MYO1D: variants seen among roughly 807,000 people sequenced by gnomAD.
MYO1D encodes the protein myosin ID.
A neutral mutation model predicts 122.0 loss-of-function variants in MYO1D; 83 were observed. The observed-to-expected ratio is 0.68, with a 90% confidence interval of 0.57 to 0.82. The LOEUF (loss-of-function observed/expected upper bound fraction) is 0.82, where lower values mean the gene tolerates loss of function less well. Ranked by LOEUF, MYO1D falls within the 40% of genes least tolerant of loss-of-function variation. The pLI, the probability that MYO1D is intolerant of heterozygous loss-of-function variation, is 0.00. For missense variants in MYO1D, 1,157 were observed against 1,269.5 expected, an observed-to-expected ratio of 0.91 and a Z score of 1.35; for synonymous variants, 464 against 446.9, an observed-to-expected ratio of 1.04 and a Z score of -0.48.
chr17:32,761,383 C>G (rs918771098), intron 8 of MYO1D, among the ~76,000 whole-genome samples: 1 of 152,216 alleles, frequency 6.6e-6, no homozygotes, highest in Non-Finnish European at 1.5e-5. Context: ...AGATACTTCT[C>G]GTACCTCATA....
intron 19 of MYO1D, among the ~76,000 whole-genome samples, chr17:32,640,764 A>C (rs2088187200): frequency 1.3e-5 from 2 of 151,808 alleles, no homozygotes; most frequent in African/African-American, 4.8e-5. Flanking sequence ...TTTATATAGC[A>C]GCATTTTTCT....
At chr17:32,561,213 G>A (rs2087122618) in intron 21 of MYO1D, among the ~76,000 whole-genome samples, 1 of 152,070 alleles carries the variant, frequency 6.6e-6, no homozygotes, top group Non-Finnish European at 1.5e-5. Context: ...GCCCAGTCTA[G>A]CTGGTGAATC....
intron 16 of MYO1D, among the ~76,000 whole-genome samples, chr17:32,676,834 G>A (rs1285232941): frequency 3.3e-5 from 5 of 149,560 alleles, no homozygotes; most frequent in South Asian, 2.1e-4. Flanking sequence ...TTTTTGAGAC[G>A]GAGTCTTGCT....
At chr17:32,608,849 T>A (rs533677094) in intron 20 of MYO1D, among the ~76,000 whole-genome samples, 100 of 152,322 alleles carry the variant, frequency 6.6e-4, no homozygotes, top group South Asian at 1.9e-3. Flanking sequence ...ATTACTGACA[T>A]GCAACAACAT....
At chr17:32,503,666 A>G (rs1567868859) in intron 21 of MYO1D, among the ~76,000 whole-genome samples, 1 of 152,168 alleles carries the variant, frequency 6.6e-6, no homozygotes, top group Admixed American at 6.5e-5. Context: ...AAGTGATAGT[A>G]AATGCATTAA....
At chr17:32,588,010 A>G (rs1054665606) in intron 21 of MYO1D, among the ~76,000 whole-genome samples, 5 of 152,284 alleles carry the variant, frequency 3.3e-5, no homozygotes, top group Admixed American at 6.5e-5. Flanking sequence ...TAAAGAGTCA[A>G]AAGAAACACA....
At chr17:32,609,449 A>C (rs910697453) in intron 20 of MYO1D, among the ~76,000 whole-genome samples, 2 of 152,210 alleles carry the variant, frequency 1.3e-5, no homozygotes, top group Non-Finnish European at 2.9e-5. Flanking sequence ...GTTGGATCAG[A>C]GGAAGAGGTA....
intron 14 of MYO1D, among the ~76,000 whole-genome samples, chr17:32,721,393 T>C (rs1203606016): frequency 6.6e-6 from 1 of 152,178 alleles, no homozygotes; most frequent in Non-Finnish European, 1.5e-5. Flanking sequence ...CAAATTTTTG[T>C]TTAATTATGT....
At chr17:32,505,303 G>C (rs1365503583) in intron 21 of MYO1D, 1 of 152,238 alleles carries the variant, frequency 6.6e-6, no homozygotes, top group Non-Finnish European at 1.5e-5. Flanking sequence ...CCAGCAGCAG[G>C]GACAGGGCTG....
chr17:32,670,452 G>T (rs1180803732), intron 16 of MYO1D, among the ~76,000 whole-genome samples: 2 of 151,926 alleles, frequency 1.3e-5, no homozygotes, highest in African/African-American at 4.8e-5. Context: ...GAGAGAGAGA[G>T]AACCAAAGAA....
At chr17:32,551,761 G>C (rs2087017190) in intron 21 of MYO1D, among the ~76,000 whole-genome samples, 1 of 152,098 alleles carries the variant, frequency 6.6e-6, no homozygotes, top group African/African-American at 2.4e-5. Context: ...TTTTCTGCTG[G>C]AATGAAAGTT....
At chr17:32,683,762 C>T (rs2088960946) in intron 16 of MYO1D, among the ~76,000 whole-genome samples, 1 of 152,202 alleles carries the variant, frequency 6.6e-6, no homozygotes, top group Non-Finnish European at 1.5e-5. Flanking sequence ...CCTCCTTGAA[C>T]TGTGGTGGGC....
chr17:32,552,967 T>C (rs928623918), intron 21 of MYO1D, among the ~76,000 whole-genome samples: 1 of 151,518 alleles, frequency 6.6e-6, no homozygotes, highest in Non-Finnish European at 1.5e-5. Context: ...CTGGGCACAG[T>C]GACTCACGCC....
chr17:32,583,236 G>A (rs184256408), intron 21 of MYO1D, among the ~76,000 whole-genome samples: 3 of 152,208 alleles, frequency 2.0e-5, no homozygotes, highest in East Asian at 1.9e-4. Context: ...TGTTTCCAAC[G>A]AGAAATCCTC....
intron 21 of MYO1D, among the ~76,000 whole-genome samples, chr17:32,596,798 T>C (rs2087497498): frequency 6.6e-6 from 1 of 152,238 alleles, no homozygotes; most frequent in African/African-American, 2.4e-5. Context: ...TTAGGGCAGA[T>C]GGGTCCTTTG....
At chr17:32,670,169 T>A (rs1458735823) in intron 16 of MYO1D, among the ~76,000 whole-genome samples, 1 of 152,184 alleles carries the variant, frequency 6.6e-6, no homozygotes, top group Non-Finnish European at 1.5e-5. Context: ...GTGCTGTGAT[T>A]ACAGGTGTGA....
At chr17:32,693,634 T>C (rs2089133949) in intron 16 of MYO1D, among the ~76,000 whole-genome samples, 1 of 152,180 alleles carries the variant, frequency 6.6e-6, no homozygotes, top group South Asian at 2.1e-4. Context: ...ATGCGCCAAA[T>C]TGGTTGCCTT....
At chr17:32,868,838 T>G (rs2091152688) in intron 1 of MYO1D, among the ~76,000 whole-genome samples, 1 of 152,176 alleles carries the variant, frequency 6.6e-6, no homozygotes, top group Non-Finnish European at 1.5e-5. Context: ...CTTTCCATGA[T>G]TCCCTATTGG....
At chr17:32,741,584 C>T (rs2089772856) in intron 13 of MYO1D, among the ~76,000 whole-genome samples, 2 of 152,088 alleles carry the variant, frequency 1.3e-5, no homozygotes, top group Admixed American at 1.3e-4. Flanking sequence ...TCTGTGCTTA[C>T]CAGGCAACTA....
Sources: allele counts gnomAD v4.1 joint callset (sites outside exome capture counted in the v4.1 genomes callset), GRCh38; gene constraint gnomAD v4.1.1; transcripts MANE v1.5; gene names NCBI Gene and HGNC (gene_info 2026-07-23, HGNC 2026-07-21).